The following EFCAB13 variants were observed in gnomAD, a reference collection of about 807,000 sequenced individuals.
EFCAB13 encodes EF-hand calcium binding domain 13.
A neutral mutation model predicts 110.2 loss-of-function variants in EFCAB13; 91 were observed. The observed-to-expected ratio is 0.83, with a 90% confidence interval of 0.70 to 0.98. The LOEUF is 0.98. Among genes scored for constraint, EFCAB13 ranks in the 50% least tolerant of loss-of-function variants. The pLI is 0.00. For missense variants in EFCAB13, 968 were observed against 1,119.4 expected (o/e 0.86, Z 1.93); for synonymous variants, 323 against 369.9 (o/e 0.87, Z 1.45).
At chr17:47,395,151 T>C (rs2065730164) in intron 16 of EFCAB13, among the ~76,000 whole-genome samples, 1 of 152,212 alleles carries the variant, frequency 6.6e-6, no homozygotes, top group African/African-American at 2.4e-5. Flanking sequence ...CGTGTACTTT[T>C]GTTGCACCTA....
intron 11 of EFCAB13, among the ~76,000 whole-genome samples, chr17:47,370,738 G>T (rs985586528): frequency 5.6e-4 from 71 of 127,146 alleles, no homozygotes; most frequent in Middle Eastern, 4.4e-3. Context: ...GTTGTTGTTT[G>T]TTTTTTTTTT....
At chr17:47,405,911 T>G (rs979217638) in intron 20 of EFCAB13, among the ~76,000 whole-genome samples, 2 of 151,472 alleles carry the variant, frequency 1.3e-5, no homozygotes, top group African/African-American at 4.8e-5. Flanking sequence ...TTTATTTACT[T>G]TATTTTTTTT....
intron 11 of EFCAB13, among the ~76,000 whole-genome samples, chr17:47,371,578 CTT>C (rs2065585070): frequency 6.6e-6 from 1 of 151,932 alleles, no homozygotes; most frequent in Admixed American, 6.6e-5. Flanking sequence ...AAATATGTGA[CTT>C]TATTTCTGGG....
At position 47,394,007 on chromosome 17, in the gene EFCAB13, T is replaced by C; in HGVS notation, c.1727-18T>C. On this transcript the variant is annotated intron_variant, in intron 15 of 24. Coordinates refer to ENST00000331493, the MANE Select transcript of EFCAB13 (RefSeq NM_152347.5). ...ATACTTAAAAGATGCCAAAAAAATG[T>C]GTTTCTTTTTCCTGTAGAAACAAAA... 1 of 1,455,800 alleles carries C rather than the reference T, an allele frequency of 6.9e-7. No individual in the cohort carries two copies. Among genetic ancestry groups the C allele is most frequent in the Non-Finnish European group, 9.3e-7 (1 of 1,074,574 alleles). The allele number at this position is 1,455,800 out of a possible 1,614,324, so 90.2% of individuals were successfully genotyped here.
intron 11 of EFCAB13, among the ~76,000 whole-genome samples, chr17:47,371,625 T>G (rs1399972893): frequency 6.6e-6 from 1 of 152,070 alleles, no homozygotes; most frequent in East Asian, 1.9e-4. Flanking sequence ...CTGTGTCCAT[T>G]TTTTTTGAGA....
At chr17:47,432,038 T>C (rs970142798) in intron 24 of EFCAB13, among the ~76,000 whole-genome samples, 1 of 151,922 alleles carries the variant, frequency 6.6e-6, no homozygotes, top group Non-Finnish European at 1.5e-5. Context: ...GGCGGATCAC[T>C]TGAGCTCAAG....
At chr17:47,379,726 A>C (rs113378166) in intron 14 of EFCAB13, among the ~76,000 whole-genome samples, 57 of 152,074 alleles carry the variant, frequency 3.7e-4, no homozygotes, top group African/African-American at 1.4e-3. Context: ...TATTACCACA[A>C]TACGCTTTTG....
At chr17:47,370,907 A>G (rs1873783951) in intron 11 of EFCAB13, among the ~76,000 whole-genome samples, 2 of 151,214 alleles carry the variant, frequency 1.3e-5, no homozygotes, top group South Asian at 4.2e-4. Flanking sequence ...ATGCCCAGCT[A>G]GTTTTGTATT....
At chr17:47,375,819 A>G (rs1336580021) in intron 12 of EFCAB13, among the ~76,000 whole-genome samples, 1 of 152,128 alleles carries the variant, frequency 6.6e-6, no homozygotes, top group Non-Finnish European at 1.5e-5. Flanking sequence ...TCTGTGTGAA[A>G]TTTTTGCTTA....
At chr17:47,366,314 G>GTTTTTT (rs773136385) in intron 10 of EFCAB13, among the ~76,000 whole-genome samples, 1 of 144,928 alleles carries the variant, frequency 6.9e-6, no homozygotes, top group African/African-American at 2.5e-5. Flanking sequence ...TGGTATAGCA[G>GTTTTTT]TTTTTTTTTT....
chr17:47,369,183 CT>C (rs2065567215), intron 10 of EFCAB13, among the ~76,000 whole-genome samples: 1 of 152,148 alleles, frequency 6.6e-6, no homozygotes, highest in South Asian at 2.1e-4. Context: ...CCTACAGGAC[CT>C]CCTGGATGAC....
At chr17:47,385,294 T>C (rs2065670407) in intron 14 of EFCAB13, among the ~76,000 whole-genome samples, 1 of 152,130 alleles carries the variant, frequency 6.6e-6, no homozygotes, top group East Asian at 1.9e-4. Context: ...CAATCGTAGG[T>C]TTGGTCTTTT....
intron 10 of EFCAB13, among the ~76,000 whole-genome samples, chr17:47,368,514 G>A (rs1353681780): frequency 6.6e-6 from 1 of 152,152 alleles, no homozygotes; most frequent in African/African-American, 2.4e-5. Context: ...ATATTTCCCT[G>A]GCAACAGCTC....
At chr17:47,356,018 T>C (rs2065478970) in intron 9 of EFCAB13, among the ~76,000 whole-genome samples, 1 of 152,194 alleles carries the variant, frequency 6.6e-6, no homozygotes, top group Non-Finnish European at 1.5e-5. Context: ...TTTGCGTTTC[T>C]TTAAGTGTGT....
chr17:47,437,581 CT>C (rs1390566718), intron 24 of EFCAB13, among the ~76,000 whole-genome samples: 12 of 152,330 alleles, frequency 7.9e-5, no homozygotes, highest in African/African-American at 2.9e-4. Flanking sequence ...ATAGCTACCC[CT>C]GCTCACTTTT....
Position 47,350,070 on chromosome 17 carries a change from G to A in EFCAB13, c.661+2119G>A, listed in dbSNP as rs375823685. ...ATTACAGGTGTGAGCCACCGTGCCC[G>A]GCCTGATGTTTCTTATTTGGTCTCT... On this transcript the variant is annotated intron_variant, in intron 9 of 24. Transcript: ENST00000331493. Among the ~76,000 whole-genome samples, 28 of 152,126 alleles carry A rather than the reference G, an allele frequency of 1.8e-4. No homozygotes were observed. In the East Asian group the frequency reaches 2.3e-3, roughly 13 times the overall value.
chr17:47,391,005 T>C (rs79211621), intron 14 of EFCAB13, among the ~76,000 whole-genome samples: 3,439 of 152,208 alleles, frequency 0.023, 105 homozygotes, highest in East Asian at 0.18. Context: ...AGTGGTACTA[T>C]CATAGCTCAC....
chr17:47,415,246 G>C (rs1018659815), intron 23 of EFCAB13, among the ~76,000 whole-genome samples: 2 of 152,094 alleles, frequency 1.3e-5, no homozygotes, highest in African/African-American at 4.8e-5. Flanking sequence ...ATGGGGTGGG[G>C]GGACAGGGGA....
At chr17:47,354,358 G>A (rs532579853) in intron 9 of EFCAB13, among the ~76,000 whole-genome samples, 3 of 152,252 alleles carry the variant, frequency 2.0e-5, no homozygotes, top group South Asian at 2.1e-4. Flanking sequence ...CATTTATTGG[G>A]TAGAATGTTC....
Sources: gnomAD v4.1 joint callset for allele counts (sites outside exome capture counted in the v4.1 genomes callset) on GRCh38, gnomAD v4.1.1 for gene constraint, MANE v1.5 for transcripts, NCBI Gene and HGNC (gene_info 2026-07-23, HGNC 2026-07-21) for gene names.